The following DENND6A variants were observed in gnomAD, a reference collection of about 807,000 sequenced individuals.
DENND6A encodes the protein DENN domain containing 6A.
Under a neutral mutation model 95.5 loss-of-function variants are expected in DENND6A, and 43 were observed. That is an observed-to-expected ratio of 0.45 (90% CI 0.35 to 0.58). The LOEUF is 0.58. Among genes scored for constraint, DENND6A ranks in the 20% least tolerant of loss-of-function variants. The probability of loss-of-function intolerance (pLI) is 0.00; values close to 1 mark genes in which losing one functional copy is unlikely to be tolerated. For missense variants in DENND6A, 574 were observed against 736.0 expected, an observed-to-expected ratio of 0.78 and a Z score of 2.55; for synonymous variants, 257 against 260.4, an observed-to-expected ratio of 0.99 and a Z score of 0.13.
intron 1 of DENND6A, among the ~76,000 whole-genome samples, chr3:57,686,116 T>A (rs2077209724): frequency 6.6e-6 from 1 of 152,160 alleles, no homozygotes; most frequent in Admixed American, 6.6e-5. Flanking sequence ...AGAATCCCAA[T>A]AATACAAAAA....
At chr3:57,654,468 C>T (rs2071281753) in intron 9 of DENND6A, among the ~76,000 whole-genome samples, 1 of 152,110 alleles carries the variant, frequency 6.6e-6, no homozygotes, top group Non-Finnish European at 1.5e-5. Context: ...GCCAAAATAA[C>T]TTGTTTCTCA....
chr3:57,675,075 G>A lies in DENND6A; in HGVS notation c.238-2637C>T, dbSNP rs921130383. Among the ~76,000 whole-genome samples, 4 of 152,268 alleles carry A rather than the reference G, an allele frequency of 2.6e-5. No individual in the cohort carries two copies. The East Asian group carries it at 7.7e-4, about 29-fold the overall frequency. ...AATAATCTGCACAACAAACCCCTGA[G>A]ACATGAGTTTATGTACATGTTTATG... On this transcript the variant is annotated intron_variant, in intron 1 of 19. Transcript: ENST00000311128.
chr3:57,626,996 T>A lies in DENND6A; in HGVS notation c.*1218A>T, dbSNP rs1463644587. The A allele has an allele frequency of 6.6e-6, 1 of 152,064 alleles. No individual in the cohort carries two copies. The highest frequency in any genetic ancestry group is 2.4e-5 in the African/African-American group (1 of 41,408). 9.4% of individuals were successfully genotyped at this position (152,064 alleles called of 1,614,324 possible). ...AATCTTATCATCACTCAAATAAGTA[T>A]CACATAAAAAACTCATGAATGCCTT... On this transcript the variant is annotated 3_prime_UTR_variant, in exon 20 of 20. Coordinates refer to ENST00000311128, the MANE Select transcript of DENND6A (RefSeq NM_152678.3).
At chr3:57,674,100 C>T (rs757741612) in intron 1 of DENND6A, among the ~76,000 whole-genome samples, 9 of 151,170 alleles carry the variant, frequency 6.0e-5, no homozygotes, top group Non-Finnish European at 1.3e-4. Flanking sequence ...ACTGGGAAGC[C>T]GGCCGGGTGC....
At chr3:57,680,232 G>C (rs11718944) in intron 1 of DENND6A, among the ~76,000 whole-genome samples, 27,284 of 152,146 alleles carry the variant, frequency 0.18, 2,884 homozygotes, top group East Asian at 0.48. Flanking sequence ...CCTTGAATTA[G>C]GCAATGTTTT....
chr3:57,646,264 G>C, intron 10 of DENND6A, 52 bp downstream of exon 10: 1 of 1,578,760 alleles, frequency 6.3e-7, no homozygotes, highest in Non-Finnish European at 8.6e-7. Context: ...AACAGGTTAA[G>C]TACTGCAGCA....
At chr3:57,684,582 A>C (rs1195499392) in intron 1 of DENND6A, among the ~76,000 whole-genome samples, 1 of 152,050 alleles carries the variant, frequency 6.6e-6, no homozygotes, top group Non-Finnish European at 1.5e-5. Flanking sequence ...CCAGGAGTTC[A>C]AGACCAGTCT....
rs1332100331 is a variant in DENND6A, at chr3:57,661,564, C to CA, written c.514-14dup. The CA allele has an allele frequency of 3.9e-6, 6 of 1,556,022 alleles. No individual in the cohort carries two copies. In the African/African-American group the frequency reaches 5.6e-5, roughly 15 times the overall value. On this transcript the variant is annotated splice_polypyrimidine_tract_variant and intron_variant, in intron 5 of 19. Transcript: ENST00000311128. The stretch of plus-strand genomic sequence containing the variant: ...TCAAAACCAAGGACTGAGGAAAAAA[C>CA]AAAAACAATGTTTTAAAAATTGCTT...
intron 4 of DENND6A, among the ~76,000 whole-genome samples, chr3:57,664,370 T>C (rs1166109286): frequency 6.6e-6 from 1 of 152,260 alleles, no homozygotes; most frequent in Non-Finnish European, 1.5e-5. Context: ...TTAAGAAGCA[T>C]TTACATCTTA....
intron 1 of DENND6A, among the ~76,000 whole-genome samples, chr3:57,692,229 C>CAAAAAAA (rs11303769): frequency 9.6e-5 from 7 of 72,872 alleles, no homozygotes; most frequent in Admixed American, 1.7e-4. Flanking sequence ...AACTCCGTCT[C>CAAAAAAA]AAAAAAAAAA....
In DENND6A at chr3:57,632,176, T is replaced by C. The variant is rs144008583; in HGVS notation, c.1353+1089A>G. Among the ~76,000 whole-genome samples the C allele has an allele frequency of 4.1e-3, 617 of 149,416 alleles. 6 individuals carry two copies. The highest frequency in any genetic ancestry group is 0.015 in the African/African-American group (599 of 40,494). ...CTGGGACTACAGGTGCGTGCCACCATGCCTGGCCAATTTTTTGTATTTTTA... is the reference window on the plus strand; with the variant it reads ...CTGGGACTACAGGTGCGTGCCACCACGCCTGGCCAATTTTTTGTATTTTTA... On this transcript the variant is annotated intron_variant, in intron 15 of 19. Transcript: ENST00000311128.
At position 57,634,563 on chromosome 3, in the gene DENND6A, G is replaced by A. The variant is rs1258714169; in HGVS notation, c.1258C>T (p.Gln420Ter). 1 of 1,372,304 alleles carries A rather than the reference G, an allele frequency of 7.3e-7. No homozygotes were observed. Among genetic ancestry groups the A allele is most frequent in the Non-Finnish European group, 9.7e-7 (1 of 1,027,858 alleles). 85.0% of individuals were successfully genotyped at this position (1,372,304 alleles called of 1,614,324 possible). Reference protein sequence around the residue: ...NRDEEIIKQLQKGVQQKRPSE... With the variant: ...NRDEEIIKQL ...TAATATGAGCAACTAATTACCTTCTGTAATTGTTTTATGATCTCTTCATCT... is the reference window on the plus strand; with the variant it reads ...TAATATGAGCAACTAATTACCTTCTATAATTGTTTTATGATCTCTTCATCT... The change falls in exon 14 of 20, where the codon CAG becomes TAG. Residue 420 changes from glutamine to a stop codon, truncating the protein, a stop_gained. Coordinates refer to ENST00000311128, the MANE Select transcript of DENND6A (RefSeq NM_152678.3). LOFTEE classifies it high-confidence loss of function.
At chr3:57,630,560 A>G (rs977190131) in intron 17 of DENND6A, 37 bp from the exon 18 acceptor site, 7 of 1,561,140 alleles carry the variant, frequency 4.5e-6, no homozygotes, top group Non-Finnish European at 6.0e-6. Context: ...AAGTTTGATT[A>G]TAACTTATTT....
At position 57,630,750 on chromosome 3, in the gene DENND6A, G is replaced by A; in HGVS notation, c.1482C>T (p.Thr494=). Reference sequence around the variant, plus strand: ...CAATCCAATCGCCTTTTATTCTAGAGGTTAGCTGAGGTCCTGTTTTCTCAA... The same window carrying A: ...CAATCCAATCGCCTTTTATTCTAGAAGTTAGCTGAGGTCCTGTTTTCTCAA... The part of the protein sequence containing the change: ...KTLEKTGPQL[T]SRIKGDWIGL... Residue 494 remains threonine, a synonymous_variant, in exon 17 of 20, where the codon ACC becomes ACT. Transcript: ENST00000311128. 6.2e-7 allele frequency: 1 copy of A among 1,614,016 alleles called. No homozygotes were observed. Among genetic ancestry groups the A allele is most frequent in the Non-Finnish European group, 8.5e-7 (1 of 1,179,994 alleles).
intron 9 of DENND6A, among the ~76,000 whole-genome samples, chr3:57,649,939 AC>A (rs1191169918): frequency 6.6e-6 from 1 of 151,476 alleles, no homozygotes; most frequent in Non-Finnish European, 1.5e-5. Flanking sequence ...ACACACACAC[AC>A]ACCGTGGAAT....
chr3:57,670,523 TG>T (rs1355352900), intron 3 of DENND6A, among the ~76,000 whole-genome samples: 1 of 152,218 alleles, frequency 6.6e-6, no homozygotes, highest in African/African-American at 2.4e-5. Context: ...GAGTTTTCTC[TG>T]GTGATTCAGA....
intron 7 of DENND6A, among the ~76,000 whole-genome samples, chr3:57,659,408 GAAGC>G (rs80026743): frequency 0.11 from 16,989 of 152,096 alleles, 1,305 homozygotes; most frequent in Non-Finnish European, 0.17. Flanking sequence ...AACTCCCTGA[GAAGC>G]AAGTATGTTG....
chr3:57,661,225 A>G (rs1279926062), intron 6 of DENND6A, among the ~76,000 whole-genome samples: 4 of 152,226 alleles, frequency 2.6e-5, no homozygotes, highest in East Asian at 1.9e-4. Context: ...TATTCTAATA[A>G]TAACAGGCAT....
At chr3:57,640,061 G>C (rs113874821) in intron 12 of DENND6A, among the ~76,000 whole-genome samples, 1 of 151,052 alleles carries the variant, frequency 6.6e-6, no homozygotes, top group Non-Finnish European at 1.5e-5. Flanking sequence ...TGGAGGTCTG[G>C]AGTTTGAGAC....
Sources: gnomAD v4.1 joint callset for allele counts (sites outside exome capture counted in the v4.1 genomes callset) on GRCh38, gnomAD v4.1.1 for gene constraint, MANE v1.5 for transcripts, NCBI Gene and HGNC (gene_info 2026-07-23, HGNC 2026-07-21) for gene names.